Variants in ESRRG observed in about 807,000 individuals in gnomAD.
ESRRG encodes the protein estrogen related receptor gamma.
In ESRRG, 13 loss-of-function variants were observed where a neutral mutation model predicts 44.0. That is an observed-to-expected ratio of 0.30 (90% CI 0.19 to 0.47). The LOEUF (loss-of-function observed/expected upper bound fraction) is 0.47, where lower values mean the gene tolerates loss of function less well. Ranked by LOEUF, ESRRG falls within the 20% of genes least tolerant of loss-of-function variation. The pLI, the probability that ESRRG is intolerant of heterozygous loss-of-function variation, is 1.00. For missense variants in ESRRG, 395 were observed against 580.6 expected, an observed-to-expected ratio of 0.68 and a Z score of 3.29; for synonymous variants, 215 against 214.6, an observed-to-expected ratio of 1.00 and a Z score of -0.02.
intron 2 of ESRRG, among the ~76,000 whole-genome samples, chr1:216,768,440 CTATCTATCAT>C (rs1165189919): frequency 3.3e-5 from 5 of 149,394 alleles, no homozygotes; most frequent in Non-Finnish European, 7.4e-5. Context: ...ATAGATAGAT[CTATCTATCAT>C]TATCTATCTA....
At chr1:216,614,250 G>A (rs1193295964) in intron 3 of ESRRG, among the ~76,000 whole-genome samples, 3 of 152,162 alleles carry the variant, frequency 2.0e-5, no homozygotes, top group African/African-American at 4.8e-5. Flanking sequence ...CAGATCAAAC[G>A]GTGACAAATG....
At chr1:216,993,710 A>T (rs1182617971) in intron 1 of ESRRG, among the ~76,000 whole-genome samples, 1 of 151,940 alleles carries the variant, frequency 6.6e-6, no homozygotes, top group Non-Finnish European at 1.5e-5. Flanking sequence ...CTGTTGAATG[A>T]CTCACTCCTG....
intron 5 of ESRRG, among the ~76,000 whole-genome samples, chr1:216,539,445 C>T (rs7544846): frequency 0.11 from 17,196 of 151,826 alleles, 1,643 homozygotes; most frequent in African/African-American, 0.26. Context: ...ACAGTCAGTT[C>T]CCCTTCCCCC....
At chr1:217,103,674 AATT>A (rs1322193234) in intron 1 of ESRRG, among the ~76,000 whole-genome samples, 2 of 151,550 alleles carry the variant, frequency 1.3e-5, no homozygotes, top group South Asian at 4.2e-4. Context: ...ATAATTAATT[AATT>A]AATTAATTAA....
chr1:216,920,899 G>A (rs1319830919), intron 2 of ESRRG, among the ~76,000 whole-genome samples: 2 of 152,164 alleles, frequency 1.3e-5, no homozygotes, highest in Non-Finnish European at 2.9e-5. Flanking sequence ...TGTTGTAGAG[G>A]CAGCATTATG....
intron 2 of ESRRG, among the ~76,000 whole-genome samples, chr1:216,917,776 AAC>A (rs2061370457): frequency 6.6e-6 from 1 of 152,236 alleles, no homozygotes; most frequent in African/African-American, 2.4e-5. Flanking sequence ...TCACTTCTAC[AAC>A]ACATAGACAG....
At chr1:216,559,357 C>A (rs1191663873) in intron 5 of ESRRG, among the ~76,000 whole-genome samples, 2 of 152,136 alleles carry the variant, frequency 1.3e-5, no homozygotes, top group Non-Finnish European at 2.9e-5. Flanking sequence ...TCATTCATAG[C>A]AAAGTAGAAA....
intron 4 of ESRRG, among the ~76,000 whole-genome samples, chr1:216,565,582 G>A (rs2059545908): frequency 6.6e-6 from 1 of 152,064 alleles, no homozygotes; most frequent in African/African-American, 2.4e-5. Context: ...AAAGAATGTG[G>A]CTTGTCCAAG....
chr1:216,640,977 A>C (rs1345094879), intron 3 of ESRRG, among the ~76,000 whole-genome samples: 1 of 152,168 alleles, frequency 6.6e-6, no homozygotes, highest in Non-Finnish European at 1.5e-5. Context: ...CTTGGGGCTA[A>C]ATCCATCAGG....
intron 1 of ESRRG, among the ~76,000 whole-genome samples, chr1:217,057,050 C>T (rs1312851931): frequency 6.6e-6 from 1 of 152,140 alleles, no homozygotes; most frequent in Non-Finnish European, 1.5e-5. Flanking sequence ...GAGCAGTTTA[C>T]TCCCCATGAA....
chr1:216,964,596 G>A (rs900840884), intron 1 of ESRRG, among the ~76,000 whole-genome samples: 5 of 152,238 alleles, frequency 3.3e-5, no homozygotes, highest in African/African-American at 9.6e-5. Flanking sequence ...GACACTGAGC[G>A]TGAATCTGTA....
In ESRRG at chr1:216,889,494, C is replaced by T. The variant is rs138652251; in HGVS notation, c.-14+50088G>A. Among the ~76,000 whole-genome samples the T allele has an allele frequency of 2.0e-5, 3 of 152,220 alleles. No homozygotes were observed. In the East Asian group the frequency reaches 5.8e-4, roughly 29 times the overall value. Reference sequence around the variant, plus strand: ...AGAAAGTGGCTGACAGCAAAAATCCCCCCAGTGAAGGAAAATGAAATTAAT... The same window carrying T: ...AGAAAGTGGCTGACAGCAAAAATCCTCCCAGTGAAGGAAAATGAAATTAAT... On this transcript the variant is annotated intron_variant, in intron 2 of 7. Transcript: ENST00000359162.
intron 1 of ESRRG, among the ~76,000 whole-genome samples, chr1:217,001,509 T>C (rs1225463639): frequency 6.6e-6 from 1 of 152,162 alleles, no homozygotes; most frequent in East Asian, 1.9e-4. Context: ...TTAAATAGGG[T>C]AGTGGATATA....
chr1:216,715,992 A>T (rs186444671), intron 1 of ESRRG, among the ~76,000 whole-genome samples: 1 of 152,098 alleles, frequency 6.6e-6, no homozygotes, highest in African/African-American at 2.4e-5. Context: ...TTATATTTTA[A>T]TTTTCTTTTG....
In ESRRG at chr1:216,545,715, A is replaced by G. The variant is rs574017289; in HGVS notation, c.862+18504T>C. ...CTACAATGGCCTCTTTCTCCCCATT[A>G]TATGTGAATATGTAATTAACAATGC... On this transcript the variant is annotated intron_variant, in intron 5 of 6. Coordinates refer to ENST00000408911, the MANE Select transcript of ESRRG (RefSeq NM_001438.4). Among the ~76,000 whole-genome samples the G allele has an allele frequency of 1.1e-4, 16 of 152,212 alleles. 1 individual carries two copies. In the South Asian group the frequency reaches 3.1e-3, roughly 30 times the overall value.
chr1:216,911,158 C>T (rs1013666081), intron 2 of ESRRG, among the ~76,000 whole-genome samples: 3 of 152,060 alleles, frequency 2.0e-5, no homozygotes, highest in Admixed American at 1.3e-4. Flanking sequence ...TATTTTCATA[C>T]AAAAACTTGC....
chr1:216,652,845 G>A (rs1022076033), intron 2 of ESRRG, among the ~76,000 whole-genome samples: 13 of 151,882 alleles, frequency 8.6e-5, no homozygotes, highest in Non-Finnish European at 1.5e-4. Flanking sequence ...AATTTTCTAA[G>A]GGTTAATTAG....
At chr1:216,768,000 T>C (rs2093170497) in intron 2 of ESRRG, among the ~76,000 whole-genome samples, 1 of 152,114 alleles carries the variant, frequency 6.6e-6, no homozygotes. Context: ...ACATTGTTGG[T>C]ATGTTTTATT....
At chr1:216,517,999 A>C (rs1191941733) in intron 6 of ESRRG, among the ~76,000 whole-genome samples, 1 of 152,178 alleles carries the variant, frequency 6.6e-6, no homozygotes, top group Non-Finnish European at 1.5e-5. Flanking sequence ...ATGAACTGTT[A>C]ATTACAAAAT....
Sources: gnomAD v4.1 joint callset for allele counts (sites outside exome capture counted in the v4.1 genomes callset) on GRCh38, gnomAD v4.1.1 for gene constraint, MANE v1.5 for transcripts, NCBI Gene and HGNC (gene_info 2026-07-23, HGNC 2026-07-21) for gene names.